The following PAK5 variants were observed in gnomAD, a reference collection of about 807,000 sequenced individuals.
The protein encoded by PAK5 is serine/threonine-protein kinase PAK 5.
A neutral mutation model predicts 65.9 loss-of-function variants in PAK5; 16 were observed. That is an observed-to-expected ratio of 0.24 (90% CI 0.16 to 0.37). The LOEUF (loss-of-function observed/expected upper bound fraction) is 0.37, where lower values mean the gene tolerates loss of function less well. Ranked by LOEUF, PAK5 falls within the 10% of genes least tolerant of loss-of-function variation. PAK5 has a pLI of 1.00. For missense variants in PAK5, 785 were observed against 903.9 expected (o/e 0.87, Z 1.69); for synonymous variants, 371 against 354.9 (o/e 1.05, Z -0.51).
chr20:9,572,042 G>C (rs1278153616), intron 4 of PAK5, among the ~76,000 whole-genome samples: 1 of 150,252 alleles, frequency 6.7e-6, no homozygotes. Context: ...GTCTAGGAGA[G>C]GGGGTGAAAG....
chr20:9,563,046 T>C, intron 5 of PAK5, 22 bp from the exon 6 acceptor site: 3 of 1,609,716 alleles, frequency 1.9e-6, no homozygotes, highest in Non-Finnish European at 2.5e-6. Context: ...GGAAATATAC[T>C]TTTGACTTGT....
chr20:9,666,425 CA>C (rs2047419010), intron 2 of PAK5, among the ~76,000 whole-genome samples: 1 of 114,310 alleles, frequency 8.7e-6, no homozygotes, highest in Non-Finnish European at 1.7e-5. Context: ...ACAACAACAG[CA>C]AAAGGCGGAA....
chr20:9,748,046 A>G (rs2048529401), intron 1 of PAK5, among the ~76,000 whole-genome samples: 1 of 152,196 alleles, frequency 6.6e-6, no homozygotes, highest in Non-Finnish European at 1.5e-5. Flanking sequence ...CCAATAACAG[A>G]TAAACAGAGA....
At chr20:9,711,959 C>G (rs1413641637) in intron 1 of PAK5, among the ~76,000 whole-genome samples, 1 of 152,160 alleles carries the variant, frequency 6.6e-6, no homozygotes, top group African/African-American at 2.4e-5. Flanking sequence ...CAATACATAA[C>G]TTTGTTTTAT....
At chr20:9,579,337 C>G (rs1439832642) in intron 4 of PAK5, among the ~76,000 whole-genome samples, 1 of 152,178 alleles carries the variant, frequency 6.6e-6, no homozygotes, top group East Asian at 1.9e-4. Context: ...AAAAATAAAT[C>G]ACTTGCACAT....
chr20:9,744,328 A>G (rs901335484), intron 1 of PAK5, among the ~76,000 whole-genome samples: 1 of 152,190 alleles, frequency 6.6e-6, no homozygotes, highest in Non-Finnish European at 1.5e-5. Flanking sequence ...TATAAACAAA[A>G]ACCCAAGTAA....
intron 1 of PAK5, among the ~76,000 whole-genome samples, chr20:9,733,393 C>T (rs2048354328): frequency 5.0e-5 from 2 of 40,100 alleles, no homozygotes; most frequent in Non-Finnish European, 5.5e-5. Flanking sequence ...ATCTCTCTTT[C>T]TTTCTTTCTT....
At chr20:9,686,221 T>C (rs2047716913) in intron 2 of PAK5, among the ~76,000 whole-genome samples, 1 of 152,150 alleles carries the variant, frequency 6.6e-6, no homozygotes, top group Non-Finnish European at 1.5e-5. Context: ...ATCCAGTATC[T>C]GCCCTTCTCT....
intron 3 of PAK5, among the ~76,000 whole-genome samples, chr20:9,593,103 C>A (rs934390246): frequency 6.6e-6 from 1 of 151,808 alleles, no homozygotes; most frequent in African/African-American, 2.4e-5. Context: ...ACTTCCAGAC[C>A]AGCCTGGGCA....
Position 9,542,603 on chromosome 20 carries a change from C to T in PAK5, c.1987G>A (p.Val663Met), listed in dbSNP as rs771361643. 1 of 1,613,954 alleles carries T rather than the reference C, an allele frequency of 6.2e-7. No homozygotes were observed. Among genetic ancestry groups the T allele is most frequent in the South Asian group, 1.1e-5 (1 of 91,070 alleles). ...TTTCTCACCTTGTGTAGGTCCTTCA[C>T]TCTTGGAGGTAAACTGTCCCGGATC... The part of the protein sequence containing the change: ...RRIRDSLPPR[V>M]KDLHKVSSVL... The change falls in exon 9 of 10, where the codon GTG (valine) becomes ATG (methionine). Residue 663 changes from valine (V) to methionine (M), a missense_variant. Val to Met is a conservative substitution (Grantham distance 21, BLOSUM62 1). Coordinates refer to ENST00000353224, the MANE Select transcript of PAK5 (RefSeq NM_177990.4).
At chr20:9,823,590 C>T (rs1440141330) in intron 1 of PAK5, among the ~76,000 whole-genome samples, 2 of 152,210 alleles carry the variant, frequency 1.3e-5, no homozygotes, top group Non-Finnish European at 2.9e-5. Flanking sequence ...GCTCTTCCTT[C>T]GTCATCCACC....
intron 1 of PAK5, among the ~76,000 whole-genome samples, chr20:9,755,363 T>C (rs1403358123): frequency 6.6e-6 from 1 of 152,190 alleles, no homozygotes; most frequent in Non-Finnish European, 1.5e-5. Flanking sequence ...GCTTTCACAT[T>C]TCACCCAATG....
At chr20:9,765,149 A>G (rs1300030561) in intron 1 of PAK5, among the ~76,000 whole-genome samples, 1 of 152,172 alleles carries the variant, frequency 6.6e-6, no homozygotes, top group African/African-American at 2.4e-5. Context: ...TTGCATGAAG[A>G]ATAGCTGCAC....
At chr20:9,620,838 T>C (rs945364667) in intron 3 of PAK5, among the ~76,000 whole-genome samples, 1 of 151,984 alleles carries the variant, frequency 6.6e-6, no homozygotes, top group African/African-American at 2.4e-5. Context: ...GTAGTTTCCA[T>C]TTTGTCTTCC....
At chr20:9,693,482 T>A (rs751457745) in intron 2 of PAK5, among the ~76,000 whole-genome samples, 2 of 151,542 alleles carry the variant, frequency 1.3e-5, no homozygotes, top group Admixed American at 6.6e-5. Context: ...TCTCTCTCTC[T>A]CACATGCACA....
chr20:9,716,258 G>T (rs1336273173), intron 1 of PAK5, among the ~76,000 whole-genome samples: 1 of 152,010 alleles, frequency 6.6e-6, no homozygotes, highest in Admixed American at 6.6e-5. Context: ...ATAAATTCTA[G>T]AAGGACAGTT....
chr20:9,688,830 C>T (rs536400163), intron 2 of PAK5, among the ~76,000 whole-genome samples: 51 of 152,182 alleles, frequency 3.4e-4, no homozygotes, highest in African/African-American at 1.1e-3. Flanking sequence ...AAAACGTGTG[C>T]TATATAAATT....
chr20:9,644,489 G>A (rs2047107904), intron 2 of PAK5, 150 bp from the exon 3 acceptor site: 1 of 601,740 alleles, frequency 1.7e-6, no homozygotes, highest in South Asian at 2.1e-5. Context: ...TTTTCAGGGT[G>A]TGTAAATTAG....
chr20:9,659,418 T>C (rs1328386556), intron 2 of PAK5, among the ~76,000 whole-genome samples: 1 of 152,178 alleles, frequency 6.6e-6, no homozygotes, highest in Non-Finnish European at 1.5e-5. Context: ...GGTGAGACTA[T>C]GGGCTTCATA....
Sources: gnomAD v4.1 joint callset for allele counts (sites outside exome capture counted in the v4.1 genomes callset) on GRCh38, gnomAD v4.1.1 for gene constraint, MANE v1.5 for transcripts, NCBI Gene and HGNC (gene_info 2026-07-23, HGNC 2026-07-21) for gene names.